Variants in PTPRD observed in about 807,000 individuals in gnomAD.
PTPRD encodes protein tyrosine phosphatase receptor type D.
In PTPRD, 34 loss-of-function variants were observed where a neutral mutation model predicts 214.5. The ratio of observed to expected loss-of-function variants is 0.16; its 90% CI spans 0.12 to 0.21. The LOEUF is 0.21. Among genes scored for constraint, PTPRD ranks in the 10% least tolerant of loss-of-function variants. PTPRD has a pLI of 1.00. For synonymous variants in PTPRD, 1,128 were observed against 845.7 expected (o/e 1.33, Z -5.79); for missense variants, 2,545 against 2,398.7 (o/e 1.06, Z -1.27).
chr9:8,367,167 AAAGT>A lies in PTPRD; in HGVS notation c.4661+8765_4661+8768del, dbSNP rs1417072404. 3.3e-5 allele frequency among the ~76,000 whole-genome samples: 5 copies of A among 152,328 alleles called. No individual in the cohort carries two copies. The East Asian group carries it at 7.7e-4, about 23-fold the overall frequency. On this transcript the variant is annotated intron_variant, in intron 39 of 45. Coordinates refer to ENST00000381196, the MANE Select transcript of PTPRD (RefSeq NM_002839.4). ...CTGTATGCTTTAAAAGGTTATAATT[AAAGT>A]AAGTCTCACAAAGAAGTTCTCCAAA...
intron 8 of PTPRD, among the ~76,000 whole-genome samples, chr9:9,401,195 G>A (rs967985569): frequency 1.3e-5 from 2 of 151,914 alleles, no homozygotes; most frequent in African/African-American, 2.4e-5. Flanking sequence ...AATTATTTTT[G>A]CAATGAAATT....
intron 21 of PTPRD, among the ~76,000 whole-genome samples, chr9:8,514,908 G>A (rs774152384): frequency 6.6e-5 from 10 of 152,196 alleles, no homozygotes; most frequent in Non-Finnish European, 1.0e-4. Flanking sequence ...GAATTCTCAC[G>A]AGATCTAATG....
intron 9 of PTPRD, among the ~76,000 whole-genome samples, chr9:9,300,959 C>T (rs1190347705): frequency 1.3e-5 from 2 of 151,712 alleles, no homozygotes; most frequent in Non-Finnish European, 2.9e-5. Flanking sequence ...GGATAATACA[C>T]TTTTCCCACT....
intron 7 of PTPRD, among the ~76,000 whole-genome samples, chr9:9,699,352 T>A (rs541118423): frequency 6.6e-6 from 1 of 152,326 alleles, no homozygotes; most frequent in Non-Finnish European, 1.5e-5. Context: ...CATTATCTTT[T>A]AATAAAATAT....
intron 12 of PTPRD, among the ~76,000 whole-genome samples, chr9:8,640,854 A>T (rs2096561661): frequency 7.5e-6 from 1 of 133,352 alleles, no homozygotes; most frequent in African/African-American, 4.1e-5. Context: ...ACTCAAGATA[A>T]TATAGTAAAA....
rs1210842561 is a variant in PTPRD, at chr9:10,141,789, G to A, written c.-544-107999C>T. ...ATGGAACCAAAAAAGAGCCCGCATT[G>A]CCAAGTCAATCCTAAGCCAAAAGAA... is the stretch of plus-strand genomic sequence containing the variant. On this transcript the variant is annotated intron_variant, in intron 3 of 45. Coordinates refer to ENST00000381196, the MANE Select transcript of PTPRD (RefSeq NM_002839.4). Among the ~76,000 whole-genome samples, 632 of 152,058 alleles carry A rather than the reference G, an allele frequency of 4.2e-3. 3 individuals carry two copies. The highest frequency in any genetic ancestry group is 0.014 in the African/African-American group (596 of 41,454).
intron 8 of PTPRD, among the ~76,000 whole-genome samples, chr9:9,443,550 T>C (rs1333591696): frequency 6.6e-6 from 1 of 152,100 alleles, no homozygotes; most frequent in Non-Finnish European, 1.5e-5. Flanking sequence ...ACTGGCAACT[T>C]TGGCTGGCCT....
chr9:8,810,054 T>C lies in PTPRD; in HGVS notation c.-103-76108A>G, dbSNP rs559693864. 2.0e-5 allele frequency among the ~76,000 whole-genome samples: 3 copies of C among 152,306 alleles called. No homozygotes were observed. The South Asian group carries it at 6.2e-4, about 32-fold the overall frequency. On this transcript the variant is annotated intron_variant, in intron 11 of 45. Transcript: ENST00000381196. ...GGGCCCCAAGTGCTCCCCTAATGGA[T>C]ATGACAAACATATGCCCCACTGCCA...
At chr9:8,878,014 G>T (rs2098409075) in intron 11 of PTPRD, among the ~76,000 whole-genome samples, 1 of 152,148 alleles carries the variant, frequency 6.6e-6, no homozygotes, top group Non-Finnish European at 1.5e-5. Context: ...TCTTAAGGAG[G>T]TTGTCATTCT....
intron 3 of PTPRD, among the ~76,000 whole-genome samples, chr9:10,155,019 C>T (rs73394287): frequency 0.019 from 2,915 of 152,042 alleles, 98 homozygotes; most frequent in African/African-American, 0.067. Context: ...AGTATTGAAT[C>T]TTTGAATTGT....
intron 7 of PTPRD, among the ~76,000 whole-genome samples, chr9:9,604,389 C>A (rs1355548856): frequency 6.6e-6 from 1 of 151,796 alleles, no homozygotes; most frequent in Non-Finnish European, 1.5e-5. Flanking sequence ...AAATATTTGG[C>A]CTTTGTAATC....
chr9:8,949,289 CAT>C (rs1193635455), intron 11 of PTPRD, among the ~76,000 whole-genome samples: 1 of 150,056 alleles, frequency 6.7e-6, no homozygotes, highest in Non-Finnish European at 1.5e-5. Flanking sequence ...GTAGATAAAA[CAT>C]GTGAAGAGTG....
intron 5 of PTPRD, among the ~76,000 whole-genome samples, chr9:9,887,894 G>A (rs1407277119): frequency 4.6e-5 from 7 of 152,118 alleles, no homozygotes; most frequent in Admixed American, 3.3e-4. Flanking sequence ...ATGTGTCCCA[G>A]TAAACATGGG....
At chr9:9,726,163 A>G (rs2098086844) in intron 7 of PTPRD, among the ~76,000 whole-genome samples, 2 of 152,122 alleles carry the variant, frequency 1.3e-5, no homozygotes, top group East Asian at 1.9e-4. Context: ...CCCATAATTA[A>G]TCTTCTATTA....
chr9:10,133,439 C>A (rs1373742006), intron 3 of PTPRD, among the ~76,000 whole-genome samples: 2 of 151,960 alleles, frequency 1.3e-5, no homozygotes, highest in African/African-American at 2.4e-5. Context: ...AAGGACAAAG[C>A]AGATACATAT....
rs1264816313 is a variant in PTPRD, at chr9:9,788,580, AG to A, written c.-367-21730del. On this transcript the variant is annotated intron_variant, in intron 5 of 45. Transcript: ENST00000381196. ...AAAAAAAAAAAGAAAGAAAAAAAAA[AG>A]AAAACTAAAACAGCTTTCTAAGGGG... Among the ~76,000 whole-genome samples the A allele has an allele frequency of 2.0e-5, 3 of 151,678 alleles. No individual in the cohort carries two copies. In the East Asian group the frequency reaches 5.8e-4, roughly 29 times the overall value.
chr9:8,819,154 TAAACACC>T (rs1452934522), intron 11 of PTPRD, among the ~76,000 whole-genome samples: 3 of 152,156 alleles, frequency 2.0e-5, no homozygotes, highest in Non-Finnish European at 4.4e-5. Context: ...GGTGATAAAT[TAAACACC>T]AAGCACTTAC....
chr9:10,432,481 A>T (rs368484466), intron 2 of PTPRD, among the ~76,000 whole-genome samples: 59 of 152,018 alleles, frequency 3.9e-4, no homozygotes, highest in African/African-American at 1.3e-3. Context: ...TTCTCAACTA[A>T]TTTATCCTAG....
chr9:8,555,870 G>A (rs547391474), intron 14 of PTPRD, among the ~76,000 whole-genome samples: 1 of 152,174 alleles, frequency 6.6e-6, no homozygotes, highest in Non-Finnish European at 1.5e-5. Flanking sequence ...CTGGACCACG[G>A]GTCAAGGTCC....
Sources: allele counts gnomAD v4.1 joint callset (sites outside exome capture counted in the v4.1 genomes callset), GRCh38; gene constraint gnomAD v4.1.1; transcripts MANE v1.5; gene names NCBI Gene and HGNC (gene_info 2026-07-23, HGNC 2026-07-21).